The following ABHD2 variants were observed in gnomAD, a reference collection of about 807,000 sequenced individuals.
The protein encoded by ABHD2 is abhydrolase domain containing 2, acylglycerol lipase, also known as monoacylglycerol lipase ABHD2.
A neutral mutation model predicts 48.1 loss-of-function variants in ABHD2; 20 were observed. The observed-to-expected ratio is 0.42, with a 90% CI of 0.29 to 0.60. ABHD2 has a LOEUF of 0.60. Ranked by LOEUF, ABHD2 falls within the 20% of genes least tolerant of loss-of-function variation. ABHD2 has a pLI of 0.24. For missense variants in ABHD2, 405 were observed against 550.9 expected (o/e 0.74, Z 2.65); for synonymous variants, 209 against 214.2 (o/e 0.98, Z 0.21).
the ABHD2 span, among the ~76,000 whole-genome samples, chr15:89,071,021 C>T: frequency 6.6e-6 from 1 of 152,136 alleles, no homozygotes; most frequent in Admixed American, 6.6e-5. Context: ...ATTAAATACT[C>T]ATTGCTCCTC....
At chr15:89,058,006 C>T in the ABHD2 span, among the ~76,000 whole-genome samples, 125 of 152,250 alleles carry the variant, frequency 8.2e-4, no homozygotes, top group African/African-American at 2.9e-3. Context: ...ATTTGTGGGG[C>T]GCCAGGCAAG....
At chr15:89,059,726 C>T in the ABHD2 span, among the ~76,000 whole-genome samples, 5 of 152,164 alleles carry the variant, frequency 3.3e-5, no homozygotes, top group African/African-American at 9.7e-5. Flanking sequence ...GGTAGGAGGG[C>T]AGGCTGCCAT....
the ABHD2 span, among the ~76,000 whole-genome samples, chr15:89,048,290 C>G: frequency 0.041 from 6,226 of 152,216 alleles, 188 homozygotes; most frequent in Non-Finnish European, 0.057. Flanking sequence ...ATGGGCTTCC[C>G]TTTGAGGGTA....
chr15:89,142,803 G>T (rs1378132020), intron 3 of ABHD2, among the ~76,000 whole-genome samples: 1 of 152,108 alleles, frequency 6.6e-6, no homozygotes, highest in East Asian at 1.9e-4. Context: ...CTTGGGTTGG[G>T]CTGGGAAGGA....
chr15:89,050,895 C>G, the ABHD2 span, among the ~76,000 whole-genome samples: 1 of 152,010 alleles, frequency 6.6e-6, no homozygotes, highest in Admixed American at 6.6e-5. Context: ...TACTGAGCAT[C>G]TGCTATGTAC....
rs4032279 is a variant in ABHD2, at chr15:89,146,355, CGTGTGTGTGTGTGTGTGTGTGTGTGT to C, written c.195-5303_195-5278del. Among the ~76,000 whole-genome samples the C allele has an allele frequency of 8.2e-6, 1 of 121,554 alleles. No individual in the cohort carries two copies. Among genetic ancestry groups the C allele is most frequent in the African/African-American group, 3.1e-5 (1 of 31,828 alleles). 79.7% of individuals were successfully genotyped at this position (121,554 alleles called of 152,430 possible). A position where few individuals can be genotyped will look rare whatever the true frequency, so the allele number is the denominator to read the frequency against. On this transcript the variant is annotated intron_variant, in intron 3 of 10. Transcript: ENST00000352732. The surrounding 1 kb of genome is among the most constrained non-coding windows in gnomAD (Gnocchi z 4.2). ...TGAGCTTCATCTGCTCAAAGACGTA[CGTGTGTGTGTGTGTGTGTGTGTGTGT>C]GTGTGTGTGTGTGTGTGTACGTATG... is the stretch of plus-strand genomic sequence containing the variant.
chr15:89,183,384 A>AAAAAAAAAAAAT (rs61602174), intron 6 of ABHD2: 5 of 46,270 alleles, frequency 1.1e-4, no homozygotes, highest in Non-Finnish European at 2.1e-4. Flanking sequence ...AAAAAAAAAA[A>AAAAAAAAAAAAT]ATATATATAT....
chr15:89,102,926 AACTT>A lies in ABHD2; in HGVS notation c.-106-10794_-106-10791del, dbSNP rs1044137647. Among the ~76,000 whole-genome samples, 2 of 152,214 alleles carry A rather than the reference AACTT, an allele frequency of 1.3e-5. No homozygotes were observed. Among genetic ancestry groups the A allele is most frequent in the Non-Finnish European group, 2.9e-5 (2 of 68,032 alleles). On this transcript the variant is annotated intron_variant, in intron 1 of 10. Coordinates refer to ENST00000352732, the MANE Select transcript of ABHD2 (RefSeq NM_152924.5). The surrounding 1 kb of genome is among the most constrained non-coding windows in gnomAD (Gnocchi z 4.8). ...CTTGGGCTTTAAAGAAGGCTGAGAA[AACTT>A]ACTTCCAGAGTGGGAGGCAGGAGGA...
At chr15:89,052,900 A>C in the ABHD2 span, among the ~76,000 whole-genome samples, 4 of 151,462 alleles carry the variant, frequency 2.6e-5, no homozygotes, top group African/African-American at 9.7e-5. Context: ...AATTCTTTCC[A>C]CCTCAGGGTG....
the ABHD2 span, among the ~76,000 whole-genome samples, chr15:89,056,913 T>C: frequency 6.8e-6 from 1 of 146,048 alleles, no homozygotes; most frequent in African/African-American, 2.5e-5. Flanking sequence ...GATACCTTTT[T>C]TTTTTTTTTT....
rs533620237 is a variant in ABHD2 at position 89,179,418 on chromosome 15, G to A, written c.722+3423G>A. ...CAGTGACATTAGATTCTCATAGGAG[G>A]ATGAACCTTATTGTGAACTGCGCAT... On this transcript the variant is annotated intron_variant, in intron 6 of 10. Coordinates refer to ENST00000352732, the MANE Select transcript of ABHD2 (RefSeq NM_152924.5). The surrounding 1 kb of genome is among the most constrained non-coding windows in gnomAD (Gnocchi z 4.3). Among the ~76,000 whole-genome samples the A allele has an allele frequency of 6.6e-6, 1 of 152,288 alleles. No individual in the cohort carries two copies. Among genetic ancestry groups the A allele is most frequent in the Admixed American group, 6.5e-5 (1 of 15,294 alleles).
chr15:89,101,949 A>G lies in ABHD2; in HGVS notation c.-106-11776A>G, dbSNP rs78753218. ...CTATGACCTCACTTCAGCCCCTCAT[A>G]TGAACAACAGTGCACAGCCCTATGC... On this transcript the variant is annotated intron_variant, in intron 1 of 10. Transcript: ENST00000352732. Among the ~76,000 whole-genome samples, 946 of 152,284 alleles carry G rather than the reference A, an allele frequency of 6.2e-3. 9 individuals carry two copies. Among genetic ancestry groups the G allele is most frequent in the African/African-American group, 0.021 (880 of 41,562 alleles).
At chr15:89,066,996 C>T in the ABHD2 span, among the ~76,000 whole-genome samples, 1 of 152,180 alleles carries the variant, frequency 6.6e-6, no homozygotes. Flanking sequence ...TCTTGAGATT[C>T]ACAGCTCTTT....
At chr15:89,109,847 C>T (rs757770001) in intron 1 of ABHD2, among the ~76,000 whole-genome samples, 1 of 152,128 alleles carries the variant, frequency 6.6e-6, no homozygotes, top group South Asian at 2.1e-4. Flanking sequence ...TACAGTCGTT[C>T]CTGTATATCC....
At chr15:89,156,788 T>G (rs1024506538) in intron 5 of ABHD2, among the ~76,000 whole-genome samples, 2 of 152,190 alleles carry the variant, frequency 1.3e-5, no homozygotes, top group Non-Finnish European at 2.9e-5. Flanking sequence ...TGATTCTTAT[T>G]AGCTCTCTCT....
In ABHD2 at chr15:89,088,504, C is replaced by CG. The variant is rs1393615341; in HGVS notation, c.-162dup. On this transcript the variant is annotated 5_prime_UTR_variant, in exon 1 of 11. An upstream open reading frame in the 5' UTR loses its in-frame stop. Coordinates refer to ENST00000352732, the MANE Select transcript of ABHD2 (RefSeq NM_152924.5). This position sits in a 1 kb window ranked among gnomAD's most constrained non-coding sequence, Gnocchi z 6.8. ...TATATCCATGAGCGCCGCTGGCAGC[C>CG]GGGGAGCTGCAGGAACCAGACTGGG... The CG allele has an allele frequency of 6.6e-6, 1 of 152,668 alleles. No homozygotes were observed. Among genetic ancestry groups the CG allele is most frequent in the Non-Finnish European group, 1.5e-5 (1 of 68,412 alleles). The allele number at this position is 152,668 out of a possible 1,614,324, so 9.5% of individuals were successfully genotyped here.
rs1392839842 is a variant in ABHD2 at position 89,102,941 on chromosome 15, T to A, written c.-106-10784T>A. Among the ~76,000 whole-genome samples the A allele has an allele frequency of 1.3e-5, 2 of 152,042 alleles. No homozygotes were observed. The highest frequency in any genetic ancestry group is 2.9e-5 in the Non-Finnish European group (2 of 67,994). On this transcript the variant is annotated intron_variant, in intron 1 of 10. Transcript: ENST00000352732. This position sits in a 1 kb window ranked among gnomAD's most constrained non-coding sequence, Gnocchi z 4.8. ...AGGCTGAGAAAACTTACTTCCAGAG[T>A]GGGAGGCAGGAGGAGTGAGCCTTGG... is the stretch of plus-strand genomic sequence containing the variant.
At chr15:89,089,350 G>T (rs1185311790) in intron 1 of ABHD2, among the ~76,000 whole-genome samples, 1 of 152,222 alleles carries the variant, frequency 6.6e-6, no homozygotes, top group East Asian at 1.9e-4. Context: ...ACTTCTGGGG[G>T]TCCATTAGGT....
In ABHD2 at chr15:89,164,642, A is replaced by G. The variant is rs1217817918; in HGVS notation, c.538+9108A>G. On this transcript the variant is annotated intron_variant, in intron 5 of 10. Transcript: ENST00000352732. The surrounding 1 kb of genome is among the most constrained non-coding windows in gnomAD (Gnocchi z 5.0). ...ATCTCTACTAAAAATGAAAAAAGCC[A>G]GGTGTGATGATACACACCTGTAATC... 1.3e-5 allele frequency among the ~76,000 whole-genome samples: 2 copies of G among 152,000 alleles called. No individual in the cohort carries two copies. The highest frequency in any genetic ancestry group is 4.8e-5 in the African/African-American group (2 of 41,380).
Sources: allele counts gnomAD v4.1 joint callset (sites outside exome capture counted in the v4.1 genomes callset), GRCh38; gene constraint gnomAD v4.1.1; non-coding constraint Gnocchi (gnomAD v3.1); transcripts MANE v1.5; gene names NCBI Gene and HGNC (gene_info 2026-07-23, HGNC 2026-07-21).